The following CHST3 variants were observed in gnomAD, a reference collection of about 807,000 sequenced individuals.
The protein encoded by CHST3 is carbohydrate sulfotransferase 3, also known as C6ST-1.
Under a neutral mutation model 35.4 loss-of-function variants are expected in CHST3, and 20 were observed. That is an observed-to-expected ratio of 0.57 (90% CI 0.40 to 0.82). The LOEUF is 0.82. CHST3 is among the 40% of genes least tolerant of loss of function. The pLI, the probability that CHST3 is intolerant of heterozygous loss-of-function variation, is 0.00. For missense variants in CHST3, 693 were observed against 670.1 expected (o/e 1.03, Z -0.38); for synonymous variants, 334 against 295.9 (o/e 1.13, Z -1.32).
chr10:71,964,544 G>A lies in CHST3; in HGVS notation c.-258G>A, dbSNP rs1589493525. On this transcript the variant is annotated 5_prime_UTR_variant, in exon 1 of 3. Coordinates refer to ENST00000373115, the MANE Select transcript of CHST3 (RefSeq NM_004273.5). ...CATCCCTCCGGCCCGCCCCGGAGAAGACGCACAGCTCGGGCCGCGCGGGCG... is the reference window on the plus strand; with the variant it reads ...CATCCCTCCGGCCCGCCCCGGAGAAAACGCACAGCTCGGGCCGCGCGGGCG... 2 of 152,212 alleles carry A rather than the reference G, an allele frequency of 1.3e-5. No individual in the cohort carries two copies. Among genetic ancestry groups the A allele is most frequent in the African/African-American group, 2.4e-5 (1 of 41,558 alleles). 9.4% of individuals were successfully genotyped at this position (152,212 alleles called of 1,614,324 possible).
chr10:71,996,493 C>T (rs1003887803), intron 1 of CHST3, among the ~76,000 whole-genome samples: 2 of 151,556 alleles, frequency 1.3e-5, no homozygotes, highest in Non-Finnish European at 2.9e-5. Flanking sequence ...TGTATACACC[C>T]ACTTTTTTTT....
At chr10:71,978,614 C>T (rs551587143) in intron 1 of CHST3, among the ~76,000 whole-genome samples, 5 of 152,330 alleles carry the variant, frequency 3.3e-5, no homozygotes, top group South Asian at 2.1e-4. Flanking sequence ...GCGCACACAT[C>T]GATCATTTAG....
chr10:72,000,150 C>G lies in CHST3; in HGVS notation c.-107-5586C>G, dbSNP rs566047664. 3.9e-5 allele frequency among the ~76,000 whole-genome samples: 6 copies of G among 152,300 alleles called. No individual in the cohort carries two copies. In the South Asian group the frequency reaches 1.2e-3, roughly 32 times the overall value. On this transcript the variant is annotated intron_variant, in intron 1 of 2. Coordinates refer to ENST00000373115, the MANE Select transcript of CHST3 (RefSeq NM_004273.5). ...GGAGCAATTGCCTTTTTTTCTTCCT[C>G]TTCATATCTTCTGTCAACTTAGAAC...
At position 72,007,970 on chromosome 10, in the gene CHST3, C is replaced by T. The variant is rs1358903472; in HGVS notation, c.939C>T (p.Ala313=). ...PRAVLASRMV[A]FAGKYKTWKK... ...CCGTGCTGGCCTCGCGCATGGTGGCCTTCGCCGGCAAGTATAAGACCTGGA... is the reference window on the plus strand; with the variant it reads ...CCGTGCTGGCCTCGCGCATGGTGGCTTTCGCCGGCAAGTATAAGACCTGGA... The change falls in exon 3 of 3, where the codon GCC becomes GCT. Residue 313 remains alanine, a synonymous_variant. Transcript: ENST00000373115. The T allele has an allele frequency of 6.5e-7, 1 of 1,549,296 alleles. No individual in the cohort carries two copies. The highest frequency in any genetic ancestry group is 2.4e-5 in the East Asian group (1 of 40,888).
chr10:71,991,178 A>G (rs544792536), intron 1 of CHST3, among the ~76,000 whole-genome samples: 3 of 152,328 alleles, frequency 2.0e-5, no homozygotes, highest in Admixed American at 2.0e-4. Context: ...AACCAGTCAT[A>G]TGGCCTCAGC....
intron 2 of CHST3, among the ~76,000 whole-genome samples, chr10:72,006,295 T>A (rs1443236741): frequency 6.6e-6 from 1 of 152,230 alleles, no homozygotes; most frequent in Non-Finnish European, 1.5e-5. Flanking sequence ...TGGCTAATAA[T>A]GGGACCAGCA....
intron 1 of CHST3, among the ~76,000 whole-genome samples, chr10:71,974,336 G>A (rs1234742193): frequency 6.6e-6 from 1 of 152,186 alleles, no homozygotes; most frequent in Non-Finnish European, 1.5e-5. Context: ...TCACAGATGA[G>A]GAAACTGAGG....
intron 1 of CHST3, among the ~76,000 whole-genome samples, chr10:72,003,513 A>G (rs1840012000): frequency 6.6e-6 from 1 of 152,124 alleles, no homozygotes; most frequent in African/African-American, 2.4e-5. Context: ...CAACTTGGCC[A>G]ACATGGTGAA....
chr10:71,992,658 CTTTTTTT>C (rs57408244), intron 1 of CHST3, among the ~76,000 whole-genome samples: 5 of 111,420 alleles, frequency 4.5e-5, no homozygotes, highest in African/African-American at 1.7e-4. Flanking sequence ...ATGGAATATT[CTTTTTTT>C]TTTTTTTTTT....
chr10:72,000,113 C>T (rs911600110), intron 1 of CHST3, among the ~76,000 whole-genome samples: 1 of 150,648 alleles, frequency 6.6e-6, no homozygotes, highest in African/African-American at 2.4e-5. Context: ...ATGCTCACAG[C>T]CACTCATGTA....
In CHST3 at chr10:72,008,405, C is replaced by G; in HGVS notation, c.1374C>G (p.Asp458Glu). ...TCTTCGGCTACAAACTGGCGCGGGA[C>G]GCCGCCGCCCTCACCAACCGCTCAG... ...MRLFGYKLARDAAALTNRSVS... is the reference protein window; with the variant it reads ...MRLFGYKLAREAAALTNRSVS... Residue 458 changes from aspartate to glutamate, a missense_variant, in exon 3 of 3, where the codon GAC (aspartate) becomes GAG (glutamate). Coordinates refer to ENST00000373115, the MANE Select transcript of CHST3 (RefSeq NM_004273.5). The G allele has an allele frequency of 6.4e-7, 1 of 1,570,620 alleles. No homozygotes were observed. The highest frequency in any genetic ancestry group is 1.2e-5 in the South Asian group (1 of 85,392).
intron 1 of CHST3, among the ~76,000 whole-genome samples, chr10:71,966,754 C>T (rs1839635515): frequency 6.6e-6 from 1 of 152,170 alleles, no homozygotes; most frequent in Non-Finnish European, 1.5e-5. Flanking sequence ...ATCATTATAT[C>T]CCTATGAGGT....
chr10:72,003,439 C>A (rs572404850), intron 1 of CHST3, among the ~76,000 whole-genome samples: 1 of 152,186 alleles, frequency 6.6e-6, no homozygotes, highest in African/African-American at 2.4e-5. Context: ...GTGGCTCACA[C>A]CTGTAATCCC....
intron 1 of CHST3, among the ~76,000 whole-genome samples, chr10:71,989,967 G>A (rs1453965476): frequency 6.6e-6 from 1 of 152,174 alleles, no homozygotes; most frequent in East Asian, 1.9e-4. Flanking sequence ...CTAACATTGA[G>A]CTAACAAGTT....
intron 1 of CHST3, among the ~76,000 whole-genome samples, chr10:71,984,153 G>A (rs1455686270): frequency 2.0e-5 from 3 of 152,222 alleles, no homozygotes; most frequent in Non-Finnish European, 4.4e-5. Flanking sequence ...CTCTCGAGTA[G>A]CTGGGATTAC....
At chr10:71,976,297 C>T (rs932076594) in intron 1 of CHST3, among the ~76,000 whole-genome samples, 4 of 152,182 alleles carry the variant, frequency 2.6e-5, no homozygotes, top group Non-Finnish European at 5.9e-5. Flanking sequence ...TGACTCATTA[C>T]CCAGCATGCA....
In CHST3 at chr10:72,012,903, T is replaced by A. The variant is rs1871452; in HGVS notation, c.*4432T>A. 0.64 allele frequency: 97,352 copies of A among 152,130 alleles called. 32,104 individuals are homozygous for A. The highest frequency in any genetic ancestry group is 0.81 in the African/African-American group (33,668 of 41,502). The allele number at this position is 152,130 out of a possible 1,614,324, so 9.4% of individuals were successfully genotyped here. A position where few individuals can be genotyped will look rare whatever the true frequency, so the allele number is the denominator to read the frequency against. On this transcript the variant is annotated 3_prime_UTR_variant, in exon 3 of 3. Coordinates refer to ENST00000373115, the MANE Select transcript of CHST3 (RefSeq NM_004273.5). The stretch of plus-strand genomic sequence containing the variant: ...CACAAAGCAGAATTGGCAACTTCAC[T>A]TGTCTCAAGAGCTCCAAGATCCTTT...
chr10:72,001,152 G>A (rs1433212596), intron 1 of CHST3, among the ~76,000 whole-genome samples: 1 of 152,216 alleles, frequency 6.6e-6, no homozygotes, highest in Admixed American at 6.5e-5. Flanking sequence ...GGTTGGGCTG[G>A]CTCTGCCCAG....
chr10:72,008,423 C>T lies in CHST3; in HGVS notation c.1392C>T (p.Asn464=), dbSNP rs1447135837. The change falls in exon 3 of 3, where the codon AAC becomes AAT. Residue 464 remains asparagine (N), a synonymous_variant. Transcript: ENST00000373115. ...CGCGGGACGCCGCCGCCCTCACCAA[C>T]CGCTCAGTCAGCCTGCTGGAGGAGA... ...KLARDAAALT[N]RSVSLLEERG... is the part of the protein sequence containing the mutation. The T allele has an allele frequency of 6.4e-7, 1 of 1,573,252 alleles. No homozygotes were observed. The highest frequency in any genetic ancestry group is 8.6e-7 in the Non-Finnish European group (1 of 1,160,006).
Sources: allele counts gnomAD v4.1 joint callset (sites outside exome capture counted in the v4.1 genomes callset), GRCh38; gene constraint gnomAD v4.1.1; transcripts MANE v1.5; gene names NCBI Gene and HGNC (gene_info 2026-07-23, HGNC 2026-07-21).